NBN: variants seen among roughly 807,000 people sequenced by gnomAD.
The protein encoded by NBN is Nijmegen breakage syndrome 1 (nibrin).
NBN carries 88 observed loss-of-function variants against 90.8 expected under a neutral mutation model. That is an observed-to-expected ratio of 0.97 (90% CI 0.82 to 1.16). The LOEUF is 1.16. Among genes scored for constraint, NBN ranks in the 50% most tolerant of loss-of-function variants. NBN has a pLI of 0.00. For synonymous variants in NBN, 328 were observed against 295.1 expected, an observed-to-expected ratio of 1.11 and a Z score of -1.14; for missense variants, 894 against 869.6, an observed-to-expected ratio of 1.03 and a Z score of -0.35.
At chr8:89,964,906 G>C (rs1249972723) in intron 7 of NBN, among the ~76,000 whole-genome samples, 1 of 152,094 alleles carries the variant, frequency 6.6e-6, no homozygotes, top group African/African-American at 2.4e-5. Flanking sequence ...TTGAGGTCAG[G>C]AGTTTGAGAC....
chr8:89,971,145 A>T, intron 6 of NBN, 28 bp downstream of exon 6: 1 of 1,595,952 alleles, frequency 6.3e-7, no homozygotes, highest in Non-Finnish European at 8.6e-7. Context: ...TGTATTCTTT[A>T]GGAAAATTTA....
intron 7 of NBN, among the ~76,000 whole-genome samples, chr8:89,965,886 G>A (rs1261237568): frequency 3.3e-5 from 5 of 152,042 alleles, no homozygotes; most frequent in South Asian, 4.1e-4. Flanking sequence ...TCAGTTATAC[G>A]TGCAATTAAA....
In NBN at chr8:89,964,571, T is replaced by C. The variant is rs13312891; in HGVS notation, c.897-64A>G. 4.3e-3 allele frequency: 6,305 copies of C among 1,481,310 alleles called. 212 individuals carry two copies. The African/African-American group carries it at 0.075, about 18-fold the overall frequency. The allele number at this position is 1,481,310 out of a possible 1,614,324, so 91.8% of individuals were successfully genotyped here. On this transcript the variant is annotated intron_variant, in intron 7 of 15. Transcript: ENST00000265433. ...AAACTAGCAACTTTTATTCAGATAA[T>C]GTCAAGATAAAGCAACCTCTTTTTT... is the stretch of plus-strand genomic sequence containing the variant.
At chr8:89,973,001 G>A (rs1811585899) in intron 5 of NBN, among the ~76,000 whole-genome samples, 1 of 152,230 alleles carries the variant, frequency 6.6e-6, no homozygotes, top group Non-Finnish European at 1.5e-5. Flanking sequence ...GCAGCTAACT[G>A]TAGCTTAGTT....
chr8:89,971,424 T>C (rs1811515512), intron 5 of NBN, 134 bp from the exon 6 acceptor site: 1 of 1,070,236 alleles, frequency 9.3e-7, no homozygotes, highest in Non-Finnish European at 1.3e-6. Context: ...TAAGTAAGAA[T>C]TTTATCTGGG....
chr8:89,943,009 G>A (rs1810018012), intron 14 of NBN, among the ~76,000 whole-genome samples: 1 of 148,394 alleles, frequency 6.7e-6, no homozygotes, highest in South Asian at 2.1e-4. Context: ...CTTTTCATTA[G>A]GATGTAAACT....
intron 9 of NBN, among the ~76,000 whole-genome samples, chr8:89,957,980 G>C (rs1351085818): frequency 1.3e-5 from 2 of 152,158 alleles, no homozygotes; most frequent in Non-Finnish European, 2.9e-5. Context: ...TGTAGAATCA[G>C]TGAGAGCCTT....
At chr8:89,977,822 C>T (rs1442811288) in intron 5 of NBN, among the ~76,000 whole-genome samples, 3 of 152,176 alleles carry the variant, frequency 2.0e-5, no homozygotes, top group Admixed American at 6.5e-5. Flanking sequence ...AAGCTCCATT[C>T]CCAAAGCTAT....
At chr8:89,965,125 A>AT (rs1296674234) in intron 7 of NBN, among the ~76,000 whole-genome samples, 1 of 152,138 alleles carries the variant, frequency 6.6e-6, no homozygotes, top group African/African-American at 2.4e-5. Flanking sequence ...AAAAAAAAAA[A>AT]TTAAAAAAAA....
At chr8:89,982,469 T>C (rs923938257) in intron 2 of NBN, 3 of 528,720 alleles carry the variant, frequency 5.7e-6, no homozygotes, top group Admixed American at 6.8e-5. Context: ...AATAACTATG[T>C]CCTACTTCCT....
At chr8:89,973,754 T>C (rs1285700562) in intron 5 of NBN, among the ~76,000 whole-genome samples, 1 of 152,128 alleles carries the variant, frequency 6.6e-6, no homozygotes, top group Non-Finnish European at 1.5e-5. Context: ...AATAAACTAG[T>C]ACAAAAACTG....
At chr8:89,954,356 A>C (rs937474520) in intron 10 of NBN, among the ~76,000 whole-genome samples, 9 of 152,108 alleles carry the variant, frequency 5.9e-5, no homozygotes, top group African/African-American at 2.2e-4. Context: ...TTTAATGCCA[A>C]GGTACTGGAC....
chr8:89,951,311 CAAAAAAAAA>C (rs71268296), intron 11 of NBN, among the ~76,000 whole-genome samples: 1 of 68,260 alleles, frequency 1.5e-5, no homozygotes, highest in African/African-American at 5.5e-5. Flanking sequence ...GACTCTGTCT[CAAAAAAAAA>C]AAAAAAAAAA....
intron 12 of NBN, 69 bp downstream of exon 12, chr8:89,947,755 C>T (rs1188399011): frequency 1.1e-6 from 1 of 874,548 alleles, no homozygotes; most frequent in African/African-American, 1.7e-5. Context: ...AATGTAAAAT[C>T]ACAAAAATTG....
intron 15 of NBN, chr8:89,936,215 T>TACA: frequency 3.7e-6 from 1 of 272,336 alleles, no homozygotes. Context: ...TAGCTGGGAT[T>TACA]ACAGGTGCAT....
intron 9 of NBN, among the ~76,000 whole-genome samples, chr8:89,957,484 AT>A (rs1810780650): frequency 6.6e-6 from 1 of 152,244 alleles, no homozygotes; most frequent in African/African-American, 2.4e-5. Context: ...ATTATTGAAG[AT>A]TTTTTTGCAT....
intron 11 of NBN, among the ~76,000 whole-genome samples, chr8:89,951,951 T>C (rs1402610365): frequency 2.0e-5 from 3 of 152,198 alleles, no homozygotes; most frequent in Non-Finnish European, 4.4e-5. Context: ...TTCTGGCCAA[T>C]AACAAAAGCT....
intron 7 of NBN, among the ~76,000 whole-genome samples, chr8:89,970,118 G>C (rs1340257621): frequency 1.3e-5 from 2 of 151,602 alleles, no homozygotes; most frequent in Admixed American, 1.3e-4. Flanking sequence ...GTGTGGTGGT[G>C]GGTGCCTATA....
intron 9 of NBN, among the ~76,000 whole-genome samples, chr8:89,958,023 C>T (rs565731000): frequency 6.6e-6 from 1 of 152,166 alleles, no homozygotes; most frequent in African/African-American, 2.4e-5. Context: ...TCAGTCCCAT[C>T]TGAGGGTGAT....
Sources: allele counts gnomAD v4.1 joint callset (sites outside exome capture counted in the v4.1 genomes callset), GRCh38; gene constraint gnomAD v4.1.1; transcripts MANE v1.5; gene names NCBI Gene and HGNC (gene_info 2026-07-23, HGNC 2026-07-21).